Variants in ANKRD36B observed in about 807,000 individuals in gnomAD.
The protein encoded by ANKRD36B is ankyrin repeat domain-containing protein 36B.
ANKRD36B carries 37 observed loss-of-function variants against 135.7 expected under a neutral mutation model. That is an observed-to-expected ratio of 0.27 (90% CI 0.21 to 0.36). The LOEUF is 0.36. Among genes scored for constraint, ANKRD36B ranks in the 10% least tolerant of loss-of-function variants. The probability of loss-of-function intolerance (pLI) is 1.00; values close to 1 mark genes in which losing one functional copy is unlikely to be tolerated. For synonymous variants in ANKRD36B, 179 were observed against 348.1 expected (o/e 0.51, Z 5.41); for missense variants, 549 against 1,037.1 (o/e 0.53, Z 6.46).
At chr2:97,573,135 T>C (rs1043712355) in intron 6 of ANKRD36B, among the ~76,000 whole-genome samples, 1 of 151,972 alleles carries the variant, frequency 6.6e-6, no homozygotes, top group Non-Finnish European at 1.5e-5. Context: ...CATTGTTCAA[T>C]TCCCAGCTAT....
chr2:97,494,562 T>G (rs1294554901), intron 43 of ANKRD36B, among the ~76,000 whole-genome samples: 2 of 107,092 alleles, frequency 1.9e-5, no homozygotes, highest in Admixed American at 1.7e-4. Flanking sequence ...CACCTCCCAC[T>G]AGGTCCCACC....
chr2:97,589,554 A>G lies in ANKRD36B; in HGVS notation c.132T>C (p.Tyr44=), dbSNP rs757255495. 4.5e-5 allele frequency: 72 copies of G among 1,607,340 alleles called. No homozygotes were observed. The African/African-American group carries it at 7.6e-4, about 17-fold the overall frequency. ...CCTTCCTGTCTCTCTTATTGGCGTC[A>G]TAATACGTGAGCAGAAGGTACTTCA... ...EKLKYLLLTY[Y]DANKRDRKER... The change falls in exon 1 of 44, where the codon TAT becomes TAC. Residue 44 remains tyrosine (Y), a synonymous_variant. Transcript: ENST00000359901.
chr2:97,553,149 A>G lies in ANKRD36B; in HGVS notation c.1273+19T>C. 1 of 1,606,946 alleles carries G rather than the reference A, an allele frequency of 6.2e-7. No homozygotes were observed. Among genetic ancestry groups the G allele is most frequent in the Non-Finnish European group, 8.5e-7 (1 of 1,175,752 alleles). ...CTATCTGGATTGAACATGACATTGA[A>G]TGTGTTTTGCAAAATTACCTGTCCC... On this transcript the variant is annotated intron_variant, in intron 16 of 43. Transcript: ENST00000359901.
At chr2:97,548,072 G>C (rs56722094) in intron 20 of ANKRD36B, among the ~76,000 whole-genome samples, 9,180 of 143,770 alleles carry the variant, frequency 0.064, 364 homozygotes, top group Middle Eastern at 0.16. Flanking sequence ...GAATCAACGT[G>C]AAAGCAGGTG....
intron 14 of ANKRD36B, among the ~76,000 whole-genome samples, 180 bp downstream of exon 14, chr2:97,554,880 A>C (rs1205083250): frequency 6.6e-6 from 1 of 151,944 alleles, no homozygotes; most frequent in African/African-American, 2.4e-5. Flanking sequence ...CTTACTGTGA[A>C]GATCATGTCC....
At chr2:97,557,346 A>G (rs1042129448) in intron 10 of ANKRD36B, among the ~76,000 whole-genome samples, 1 of 151,768 alleles carries the variant, frequency 6.6e-6, no homozygotes, top group African/African-American at 2.4e-5. Flanking sequence ...CAGAAATTAC[A>G]AAGAGGTATT....
chr2:97,525,507 T>G lies in ANKRD36B; in HGVS notation c.2266-2040A>C, dbSNP rs1429079562. The stretch of plus-strand genomic sequence containing the variant: ...GATGGGTGATTTCTGCATTTCCATC[T>G]GAGGTACCAGGTTCATCTCACTAGG... On this transcript the variant is annotated intron_variant, in intron 35 of 43. Coordinates refer to ENST00000359901, the MANE Select transcript of ANKRD36B (RefSeq NM_001393939.1). 2.6e-4 allele frequency among the ~76,000 whole-genome samples: 25 copies of G among 96,376 alleles called. 8 individuals carry two copies. Among genetic ancestry groups the G allele is most frequent in the African/African-American group, 7.5e-4 (24 of 32,140 alleles). 63.2% of individuals were successfully genotyped at this position (96,376 alleles called of 152,430 possible).
intron 6 of ANKRD36B, among the ~76,000 whole-genome samples, chr2:97,568,652 A>C (rs373683563): frequency 1.3e-5 from 2 of 152,280 alleles, no homozygotes; most frequent in South Asian, 4.1e-4. Flanking sequence ...CTTGTCAGAG[A>C]GAAGCTTATA....
Position 97,540,979 on chromosome 2 carries a change from A to C in ANKRD36B, c.1886-750T>G, listed in dbSNP as rs560524214. Among the ~76,000 whole-genome samples the C allele has an allele frequency of 1.1e-4, 11 of 96,532 alleles. 4 individuals carry two copies. Among genetic ancestry groups the C allele is most frequent in the African/African-American group, 3.4e-4 (11 of 32,446 alleles). 63.3% of individuals were successfully genotyped at this position (96,532 alleles called of 152,430 possible). A position where few individuals can be genotyped will look rare whatever the true frequency, so the allele number is the denominator to read the frequency against. On this transcript the variant is annotated intron_variant, in intron 28 of 43. Transcript: ENST00000359901. ...ACAAAGTAAAACTGCTACAAGCGTT[A>C]GATATTAATATGTTTTACATTCACA...
Position 97,553,161 on chromosome 2 carries a change from A to T in ANKRD36B, c.1273+7T>A. On this transcript the variant is annotated splice_region_variant and intron_variant, in intron 16 of 43. Transcript: ENST00000359901. ...AACATGACATTGAATGTGTTTTGCAAAATTACCTGTCCCAGATTTTTCTCC... is the reference window on the plus strand; with the variant it reads ...AACATGACATTGAATGTGTTTTGCATAATTACCTGTCCCAGATTTTTCTCC... 1 of 1,610,142 alleles carries T rather than the reference A, an allele frequency of 6.2e-7. No homozygotes were observed. The highest frequency in any genetic ancestry group is 1.1e-5 in the South Asian group (1 of 90,710).
chr2:97,543,182 A>G (rs1441675612), intron 26 of ANKRD36B, among the ~76,000 whole-genome samples: 25 of 151,716 alleles, frequency 1.6e-4, no homozygotes, highest in African/African-American at 6.0e-4. Context: ...TCCTGCACCC[A>G]GTAGTTCCAG....
At chr2:97,582,897 A>G (rs1294818212) in intron 3 of ANKRD36B, among the ~76,000 whole-genome samples, 4 of 152,070 alleles carry the variant, frequency 2.6e-5, no homozygotes, top group African/African-American at 9.7e-5. Context: ...TGTTCACCAA[A>G]TGGATAATTA....
In ANKRD36B at chr2:97,537,112, C is replaced by T. The variant is rs186313336; in HGVS notation, c.2090-616G>A. 2.1e-5 allele frequency among the ~76,000 whole-genome samples: 2 copies of T among 96,222 alleles called. 1 individual carries two copies. Among genetic ancestry groups the T allele is most frequent in the Admixed American group, 1.9e-4 (2 of 10,724 alleles). 63.1% of individuals were successfully genotyped at this position (96,222 alleles called of 152,430 possible). A position where few individuals can be genotyped will look rare whatever the true frequency, so the allele number is the denominator to read the frequency against. Reference sequence around the variant, plus strand: ...AGTCTGCCTACATTTCTTATATCCTCTAGTTTAGCCTTCAGAAAGTTTCTT... The same window carrying T: ...AGTCTGCCTACATTTCTTATATCCTTTAGTTTAGCCTTCAGAAAGTTTCTT... On this transcript the variant is annotated intron_variant, in intron 32 of 43. Coordinates refer to ENST00000359901, the MANE Select transcript of ANKRD36B (RefSeq NM_001393939.1).
In ANKRD36B at chr2:97,538,950, T is replaced by C. The variant is rs2079019906; in HGVS notation, c.1988-587A>G. On this transcript the variant is annotated intron_variant, in intron 30 of 43. Transcript: ENST00000359901. ...CAATATTCTTTATTTCTCAAACCCA[T>C]GTGGTGTAATAATGTGCCTACATTT... is the stretch of plus-strand genomic sequence containing the variant. 5.2e-5 allele frequency among the ~76,000 whole-genome samples: 5 copies of C among 96,748 alleles called. 2 individuals carry two copies. The highest frequency in any genetic ancestry group is 2.3e-4 in the South Asian group (1 of 4,292). 63.5% of individuals were successfully genotyped at this position (96,748 alleles called of 152,430 possible). A position where few individuals can be genotyped will look rare whatever the true frequency, so the allele number is the denominator to read the frequency against.
intron 2 of ANKRD36B, 41 bp downstream of exon 2, chr2:97,585,243 A>G (rs765039283): frequency 1.3e-6 from 2 of 1,572,816 alleles, no homozygotes; most frequent in Admixed American, 1.9e-5. Context: ...ATGTACTTCA[A>G]CCAAATCCAT....
chr2:97,546,401 G>A (rs1411796956), intron 22 of ANKRD36B, among the ~76,000 whole-genome samples: 1 of 151,694 alleles, frequency 6.6e-6, no homozygotes, highest in African/African-American at 2.4e-5. Flanking sequence ...TTGGATATCT[G>A]CTTGCTGATA....
At position 97,529,980 on chromosome 2, in the gene ANKRD36B, C is replaced by T. The variant is rs1459865085; in HGVS notation, c.2265+2331G>A. ...GTATCGTTAAAATGGCCATACTGCC[C>T]GAGGTAATTTATAGAATCAGTGCCA... On this transcript the variant is annotated intron_variant, in intron 35 of 43. Transcript: ENST00000359901. Among the ~76,000 whole-genome samples the T allele has an allele frequency of 3.1e-5, 3 of 95,596 alleles. 1 individual carries two copies. The highest frequency in any genetic ancestry group is 5.5e-5 in the Non-Finnish European group (2 of 36,170). 62.7% of individuals were successfully genotyped at this position (95,596 alleles called of 152,430 possible). A position where few individuals can be genotyped will look rare whatever the true frequency, so the allele number is the denominator to read the frequency against.
chr2:97,578,013 C>T (rs893580727), intron 5 of ANKRD36B, among the ~76,000 whole-genome samples: 1 of 151,824 alleles, frequency 6.6e-6, no homozygotes, highest in Non-Finnish European at 1.5e-5. Context: ...ACTATCCTAA[C>T]TAATATTTGC....
rs186868654 is a variant in ANKRD36B, at chr2:97,532,981, A to G, written c.2192-597T>C. 2.2e-3 allele frequency among the ~76,000 whole-genome samples: 212 copies of G among 96,034 alleles called. 59 individuals are homozygous for G. Among genetic ancestry groups the G allele is most frequent in the African/African-American group, 6.3e-3 (201 of 32,040 alleles). The allele number at this position is 96,034 out of a possible 152,430, so 63.0% of individuals were successfully genotyped here. The stretch of plus-strand genomic sequence containing the variant: ...AAATAAGACAAAATGTAAAAATCCA[A>G]TAGAAACAGAAAAAGTAACAGCACA... On this transcript the variant is annotated intron_variant, in intron 34 of 43. Coordinates refer to ENST00000359901, the MANE Select transcript of ANKRD36B (RefSeq NM_001393939.1).
Sources: allele counts gnomAD v4.1 joint callset (sites outside exome capture counted in the v4.1 genomes callset), GRCh38; gene constraint gnomAD v4.1.1; transcripts MANE v1.5; gene names NCBI Gene and HGNC (gene_info 2026-07-23, HGNC 2026-07-21).